The following ZFAT variants were observed in gnomAD, a reference collection of about 807,000 sequenced individuals.
ZFAT encodes the protein zinc finger protein ZFAT.
In ZFAT, 64 loss-of-function variants were observed where a neutral mutation model predicts 117.7. The observed-to-expected ratio is 0.54, with a 90% CI of 0.44 to 0.67. The LOEUF is 0.67. Ranked by LOEUF, ZFAT falls within the 30% of genes least tolerant of loss-of-function variation. ZFAT has a pLI of 0.00. For synonymous variants in ZFAT, 679 were observed against 615.0 expected, an observed-to-expected ratio of 1.10 and a Z score of -1.54; for missense variants, 1,433 against 1,584.5, an observed-to-expected ratio of 0.90 and a Z score of 1.62.
Position 134,478,274 on chromosome 8 carries a change from G to T in ZFAT, c.*208C>A. 1.5e-6 allele frequency: 1 copy of T among 646,596 alleles called. No homozygotes were observed. Among genetic ancestry groups the T allele is most frequent in the Non-Finnish European group, 2.6e-6 (1 of 380,500 alleles). The allele number at this position is 646,596 out of a possible 1,614,324, so 40.1% of individuals were successfully genotyped here. ...TAAGGGTCAGGGGGTGTGTGTCTAT[G>T]CTGGGGTGAGGGTCCTGTGGTATTG... On this transcript the variant is annotated 3_prime_UTR_variant, in exon 16 of 16. Transcript: ENST00000377838. This position sits in a 1 kb window ranked among gnomAD's most constrained non-coding sequence, Gnocchi z 5.2.
chr8:134,791,222 C>G, the ZFAT span, among the ~76,000 whole-genome samples: 1 of 152,228 alleles, frequency 6.6e-6, no homozygotes, highest in Admixed American at 6.5e-5. Flanking sequence ...CTTCCTCTTT[C>G]TCCACCCTAA....
At chr8:134,763,995 T>C in the ZFAT span, among the ~76,000 whole-genome samples, 4 of 152,244 alleles carry the variant, frequency 2.6e-5, no homozygotes, top group African/African-American at 7.2e-5. Context: ...CTAAGCCTTG[T>C]TATACTGATC....
At chr8:134,487,420 G>A (rs557679576) in intron 15 of ZFAT, among the ~76,000 whole-genome samples, 30 of 152,112 alleles carry the variant, frequency 2.0e-4, no homozygotes, top group Non-Finnish European at 2.9e-4. Context: ...GATTCCCATC[G>A]CATCCCTTTG....
In ZFAT at chr8:134,712,903, C is replaced by T. The variant is rs1431344839; in HGVS notation, c.-40G>A. On this transcript the variant is annotated 5_prime_UTR_variant, in exon 1 of 16. Transcript: ENST00000377838. ...GCGGAGGAAAAAAAAGCCTCGGGCT[C>T]TTCCGGGCCCCCTCCCGTGCCGACC... The T allele has an allele frequency of 8.7e-6, 13 of 1,491,354 alleles. No individual in the cohort carries two copies. In the South Asian group the frequency reaches 1.4e-4, roughly 16 times the overall value. 92.4% of individuals were successfully genotyped at this position (1,491,354 alleles called of 1,614,324 possible).
rs774207866 is a variant in ZFAT at position 134,607,159 on chromosome 8, C to A, written c.785+1570G>T. Reference sequence around the variant, plus strand: ...ATTAACATTTAGCTGAACCTCCCCGCCAACAGACCTTGAAATATTGTGAAG... The same window carrying A: ...ATTAACATTTAGCTGAACCTCCCCGACAACAGACCTTGAAATATTGTGAAG... On this transcript the variant is annotated intron_variant, in intron 5 of 15. Coordinates refer to ENST00000377838, the MANE Select transcript of ZFAT (RefSeq NM_020863.4). Among the ~76,000 whole-genome samples the A allele has an allele frequency of 8.5e-5, 13 of 152,176 alleles. No homozygotes were observed. In the East Asian group the frequency reaches 1.4e-3, roughly 16 times the overall value.
chr8:134,765,973 T>G, the ZFAT span: 1 of 152,214 alleles, frequency 6.6e-6, no homozygotes, highest in Non-Finnish European at 1.5e-5. Context: ...TTTAAAAGAT[T>G]TGTTAATAAA....
the ZFAT span, among the ~76,000 whole-genome samples, chr8:134,832,109 C>G: frequency 2.7e-5 from 4 of 149,764 alleles, no homozygotes; most frequent in South Asian, 8.3e-4. Context: ...GGCGCGGGGA[C>G]GCGCCAGCGC....
chr8:134,732,117 T>C, the ZFAT span, among the ~76,000 whole-genome samples: 1 of 152,192 alleles, frequency 6.6e-6, no homozygotes, highest in East Asian at 1.9e-4. Flanking sequence ...TGCATGTGTA[T>C]AAAAATAAAC....
the ZFAT span, among the ~76,000 whole-genome samples, chr8:134,757,910 G>T: frequency 0.39 from 58,763 of 151,852 alleles, 11,411 homozygotes; most frequent in Admixed American, 0.47. Context: ...TGGTTATTGT[G>T]CCTGCAAGCT....
chr8:134,608,901 T>C (rs771679443), intron 4 of ZFAT, 22 bp from the exon 5 acceptor site: 2 of 1,593,678 alleles, frequency 1.3e-6, no homozygotes, highest in Non-Finnish European at 8.5e-7. Context: ...GCAAAAGGCA[T>C]TGCTTATTGA....
At chr8:134,535,657 A>G (rs1821782501) in intron 11 of ZFAT, among the ~76,000 whole-genome samples, 1 of 151,946 alleles carries the variant, frequency 6.6e-6, no homozygotes, top group Admixed American at 6.6e-5. Flanking sequence ...GTCCCTGGGT[A>G]AGGAATCCTT....
At position 134,478,614 on chromosome 8, in the gene ZFAT, G is replaced by C; in HGVS notation, c.3600C>G (p.Asp1200Glu). 3 of 1,587,620 alleles carry C rather than the reference G, an allele frequency of 1.9e-6. No homozygotes were observed. The highest frequency in any genetic ancestry group is 1.2e-5 in the South Asian group (1 of 86,660). The stretch of plus-strand genomic sequence containing the variant: ...TCACCGTCTCAATGCCCTCCACGTC[G>C]TCGGAGGACACCACCAGGTGGTGCT... ...AEQHHLVVSS[D>E]DVEGIETVTV... Residue 1200 changes from aspartate to glutamate, a missense_variant, in exon 16 of 16, where the codon GAC (aspartate) becomes GAG (glutamate). Asp to Glu is a conservative substitution (Grantham distance 45). Coordinates refer to ENST00000377838, the MANE Select transcript of ZFAT (RefSeq NM_020863.4). This position sits in a 1 kb window ranked among gnomAD's most constrained non-coding sequence, Gnocchi z 5.2.
chr8:134,520,146 T>C (rs139404104), intron 13 of ZFAT, among the ~76,000 whole-genome samples: 3,100 of 152,320 alleles, frequency 0.02, 57 homozygotes, highest in Middle Eastern at 0.031. Context: ...ACATTGGTAA[T>C]GTCTGGAGAC....
the ZFAT span, chr8:134,785,213 A>G: frequency 2.0e-5 from 3 of 152,148 alleles, no homozygotes; most frequent in East Asian, 3.9e-4. Context: ...TCTCTCATAT[A>G]TCACTCATTT....
At chr8:134,573,082 C>T (rs11998030) in intron 10 of ZFAT, among the ~76,000 whole-genome samples, 37,680 of 152,054 alleles carry the variant, frequency 0.25, 5,064 homozygotes, top group East Asian at 0.52. Context: ...TAAGTAGTTA[C>T]CTCTGGGGAG....
intron 1 of ZFAT, among the ~76,000 whole-genome samples, chr8:134,695,953 CAAG>C (rs1833817781): frequency 6.6e-6 from 1 of 151,766 alleles, no homozygotes; most frequent in South Asian, 2.1e-4. Context: ...CATCTCTAAC[CAAG>C]GAGGAGCCCA....
intron 11 of ZFAT, among the ~76,000 whole-genome samples, chr8:134,563,061 C>T (rs900135100): frequency 6.6e-6 from 1 of 152,202 alleles, no homozygotes; most frequent in African/African-American, 2.4e-5. Context: ...TTCTCTAGCA[C>T]AATAATTGCA....
chr8:134,564,733 A>G (rs1237856620), intron 11 of ZFAT, among the ~76,000 whole-genome samples: 1 of 152,252 alleles, frequency 6.6e-6, no homozygotes, highest in African/African-American at 2.4e-5. Flanking sequence ...GCTGAGCAGA[A>G]CTTTTTACTG....
At chr8:134,507,374 C>T (rs938550072) in intron 15 of ZFAT, among the ~76,000 whole-genome samples, 1 of 152,156 alleles carries the variant, frequency 6.6e-6, no homozygotes, top group East Asian at 1.9e-4. Flanking sequence ...TCTGTCCACC[C>T]ACTCTCCTCT....
Sources: gnomAD v4.1 joint callset for allele counts (sites outside exome capture counted in the v4.1 genomes callset) on GRCh38, gnomAD v4.1.1 for gene constraint, Gnocchi (gnomAD v3.1) non-coding constraint, MANE v1.5 for transcripts, NCBI Gene and HGNC (gene_info 2026-07-23, HGNC 2026-07-21) for gene names.